Variants in NFIC observed in about 807,000 individuals in gnomAD.
NFIC encodes the protein nuclear factor I C.
NFIC carries 12 observed loss-of-function variants against 54.4 expected under a neutral mutation model. The ratio of observed to expected loss-of-function variants is 0.22; its 90% CI spans 0.14 to 0.36. The LOEUF is 0.36. Ranked by LOEUF, NFIC falls within the 10% of genes least tolerant of loss-of-function variation. The pLI, the probability that NFIC is intolerant of heterozygous loss-of-function variation, is 1.00. For missense variants in NFIC, 575 were observed against 718.2 expected, an observed-to-expected ratio of 0.80 and a Z score of 2.28; for synonymous variants, 322 against 319.2, an observed-to-expected ratio of 1.01 and a Z score of -0.09.
chr19:3,455,830 C>T (rs192191464), intron 9 of NFIC, among the ~76,000 whole-genome samples: 18 of 152,286 alleles, frequency 1.2e-4, no homozygotes, highest in African/African-American at 4.3e-4. Flanking sequence ...TTAATAAATG[C>T]AGGATAGGCA....
At chr19:3,431,405 G>A (rs1382673451) in intron 3 of NFIC, among the ~76,000 whole-genome samples, 1 of 103,318 alleles carries the variant, frequency 9.7e-6, no homozygotes, top group Non-Finnish European at 1.8e-5. Context: ...GTCTTGCTCT[G>A]TCCCCGAGGC....
At chr19:3,456,137 C>G (rs1487605327) in intron 9 of NFIC, among the ~76,000 whole-genome samples, 1 of 152,266 alleles carries the variant, frequency 6.6e-6, no homozygotes, top group Non-Finnish European at 1.5e-5. Flanking sequence ...TCTGCCCTCT[C>G]CGGGAGGAAG....
Position 3,463,978 on chromosome 19 carries a change from TG to T in NFIC, c.*1213del. On this transcript the variant is annotated 3_prime_UTR_variant, in exon 11 of 11. Coordinates refer to ENST00000443272, the MANE Select transcript of NFIC (RefSeq NM_001245002.2). ...CCGTGCCCCCCCAGAGCTAGAGAGA[TG>T]GGGCCCCTGCGTGGCCCGAGGGGCA... 1.0e-6 allele frequency: 1 copy of T among 984,242 alleles called. No individual in the cohort carries two copies. The highest frequency in any genetic ancestry group is 1.2e-6 in the Non-Finnish European group (1 of 829,698). 61.0% of individuals were successfully genotyped at this position (984,242 alleles called of 1,614,324 possible).
chr19:3,436,296 C>T (rs2082201567), intron 6 of NFIC, among the ~76,000 whole-genome samples: 1 of 147,494 alleles, frequency 6.8e-6, no homozygotes, highest in Non-Finnish European at 1.5e-5. Context: ...GTGCATACTG[C>T]CATGCGCCGT....
intron 5 of NFIC, 119 bp downstream of exon 5, chr19:3,434,519 C>A: frequency 7.2e-7 from 1 of 1,394,004 alleles, no homozygotes; most frequent in Non-Finnish European, 9.5e-7. Flanking sequence ...TTCACCTGGC[C>A]TGAGAAACTC....
rs370082450 is a variant in NFIC, at chr19:3,379,673, CTTTTTTT to C, written c.31-2022_31-2016del. Among the ~76,000 whole-genome samples the C allele has an allele frequency of 7.6e-3, 783 of 102,520 alleles. 7 individuals are homozygous for C. The highest frequency in any genetic ancestry group is 0.033 in the African/African-American group (720 of 21,496). The allele number at this position is 102,520 out of a possible 152,430, so 67.3% of individuals were successfully genotyped here. On this transcript the variant is annotated intron_variant, in intron 1 of 10. Coordinates refer to ENST00000443272, the MANE Select transcript of NFIC (RefSeq NM_001245002.2). ...ATTTTTCATTTTTTTTTATTTCTTT[CTTTTTTT>C]TTTTTTTTTTTTTTTTGAGTCAGGA...
chr19:3,431,360 CTTTTTTTTTTT>C (rs71164702), intron 3 of NFIC, among the ~76,000 whole-genome samples: 4 of 84,170 alleles, frequency 4.8e-5, no homozygotes, highest in East Asian at 1.1e-3. Flanking sequence ...TTTCCTTCTT[CTTTTTTTTTTT>C]TTTTTTTTTT....
intron 2 of NFIC, among the ~76,000 whole-genome samples, chr19:3,403,813 C>T (rs1284323570): frequency 1.3e-5 from 2 of 151,956 alleles, no homozygotes; most frequent in Admixed American, 6.5e-5. Flanking sequence ...GAGGGGCCTC[C>T]GCCTCCTCCC....
chr19:3,423,291 A>G (rs1433098865), intron 2 of NFIC, among the ~76,000 whole-genome samples: 1 of 152,170 alleles, frequency 6.6e-6, no homozygotes, highest in Non-Finnish European at 1.5e-5. Context: ...GTGCTTCAGG[A>G]GTATCCTCTC....
intron 7 of NFIC, among the ~76,000 whole-genome samples, chr19:3,450,545 C>T (rs2082445724): frequency 6.6e-6 from 1 of 151,518 alleles, no homozygotes; most frequent in African/African-American, 2.4e-5. Context: ...ATCCCAGCTA[C>T]TCAGGAGGCT....
chr19:3,460,363 C>T (rs1462852566), intron 10 of NFIC, among the ~76,000 whole-genome samples: 3 of 152,152 alleles, frequency 2.0e-5, no homozygotes, highest in Non-Finnish European at 2.9e-5. Context: ...CCACCTCTGC[C>T]GCTTCCATGC....
At chr19:3,401,055 A>C (rs1487118647) in intron 2 of NFIC, among the ~76,000 whole-genome samples, 3 of 152,206 alleles carry the variant, frequency 2.0e-5, no homozygotes, top group African/African-American at 7.2e-5. Context: ...TTCCAGGCAG[A>C]GGGCACAGCC....
chr19:3,438,910 C>A (rs2082248447), intron 6 of NFIC, among the ~76,000 whole-genome samples: 1 of 152,006 alleles, frequency 6.6e-6, no homozygotes, highest in African/African-American at 2.4e-5. Context: ...GGAGGAGGCA[C>A]AGAAGACAGT....
chr19:3,366,534 C>CGGGGG, upstream of NFIC: 1 of 361,260 alleles, frequency 2.8e-6, no homozygotes, highest in Non-Finnish European at 4.2e-6. Flanking sequence ...GGCCGCGGGG[C>CGGGGG]GGGGGGGGGG....
Position 3,464,334 on chromosome 19 carries a change from T to C in NFIC, c.*1565T>C. 1.0e-6 allele frequency: 1 copy of C among 984,930 alleles called. No homozygotes were observed. The highest frequency in any genetic ancestry group is 1.2e-6 in the Non-Finnish European group (1 of 829,754). The allele number at this position is 984,930 out of a possible 1,614,324, so 61.0% of individuals were successfully genotyped here. ...CCGCAGCCGTGTAGGGGGCCTCCCA[T>C]CTGCTAAGCGTTTTTCCGTTGAGCC... On this transcript the variant is annotated 3_prime_UTR_variant, in exon 11 of 11. Transcript: ENST00000443272.
chr19:3,421,725 G>A (rs944055027), intron 2 of NFIC, among the ~76,000 whole-genome samples: 7 of 152,202 alleles, frequency 4.6e-5, no homozygotes, highest in Admixed American at 3.9e-4. Context: ...CAGAGGCTCC[G>A]TGCGCTAGGA....
At chr19:3,417,176 C>G (rs191556743) in intron 2 of NFIC, among the ~76,000 whole-genome samples, 2 of 151,988 alleles carry the variant, frequency 1.3e-5, no homozygotes, top group African/African-American at 4.8e-5. Context: ...TGTGCCACCA[C>G]GCCTGGCCTA....
chr19:3,360,344 G>A (rs2080794587), intron 1 of NFIC, among the ~76,000 whole-genome samples: 1 of 149,532 alleles, frequency 6.7e-6, no homozygotes, highest in Admixed American at 6.7e-5. Flanking sequence ...GCAGACCCCC[G>A]GCCCCGCTGC....
chr19:3,361,618 G>A (rs945132315), upstream of NFIC, among the ~76,000 whole-genome samples: 3 of 151,816 alleles, frequency 2.0e-5, no homozygotes, highest in African/African-American at 7.3e-5. Flanking sequence ...ATGTCAAGAA[G>A]GAGAGAAAAC....
Sources: allele counts gnomAD v4.1 joint callset (sites outside exome capture counted in the v4.1 genomes callset), GRCh38; gene constraint gnomAD v4.1.1; transcripts MANE v1.5; gene names NCBI Gene and HGNC (gene_info 2026-07-23, HGNC 2026-07-21).